The following PCDH11X variants were observed in gnomAD, a reference collection of about 807,000 sequenced individuals.
PCDH11X encodes the protein protocadherin-11 X-linked.
In PCDH11X, 18 loss-of-function variants were observed where a neutral mutation model predicts 53.3. The ratio of observed to expected loss-of-function variants is 0.34; its 90% CI spans 0.23 to 0.50. The LOEUF is 0.50. Among genes scored for constraint, PCDH11X ranks in the 20% least tolerant of loss-of-function variants. The pLI is 0.98. For missense variants in PCDH11X, 570 were observed against 1,032.4 expected (o/e 0.55, Z 6.14); for synonymous variants, 279 against 393.3 (o/e 0.71, Z 3.44).
chrX:92,005,509 C>T (rs1189890132), intron 6 of PCDH11X, among the ~76,000 whole-genome samples: 9 of 111,612 alleles, frequency 8.1e-5, no homozygotes, highest in Non-Finnish European at 1.3e-4. Flanking sequence ...CTTTGCTCCC[C>T]CACTTTTAAC....
chrX:92,147,992 T>TCTC (rs2065325285), intron 6 of PCDH11X, among the ~76,000 whole-genome samples: 1 of 84,430 alleles, frequency 1.2e-5, no homozygotes, highest in African/African-American at 6.1e-5. Flanking sequence ...TTCCTTTCTT[T>TCTC]CTTTCTTTCT....
chrX:91,941,306 T>G (rs2061506449), intron 6 of PCDH11X, among the ~76,000 whole-genome samples: 1 of 111,470 alleles, frequency 9.0e-6, no homozygotes. Context: ...TTGATAAAAA[T>G]AGACAAGATT....
chrX:92,424,194 T>C (rs1286739578), intron 9 of PCDH11X, among the ~76,000 whole-genome samples: 2 of 93,518 alleles, frequency 2.1e-5, no homozygotes, highest in African/African-American at 6.8e-5. Flanking sequence ...GTTTTTTTTT[T>C]TTTTTCCCTT....
chrX:91,842,914 TATC>T (rs1321411921), intron 5 of PCDH11X, among the ~76,000 whole-genome samples: 2 of 98,722 alleles, frequency 2.0e-5, no homozygotes, highest in Non-Finnish European at 4.1e-5. Flanking sequence ...TGTAGAGTAT[TATC>T]ATGAATATTT....
chrX:92,102,616 G>T (rs2064284483), intron 6 of PCDH11X, among the ~76,000 whole-genome samples: 1 of 111,921 alleles, frequency 8.9e-6, no homozygotes, highest in Non-Finnish European at 1.9e-5. Flanking sequence ...AAGCCTTGTG[G>T]CAGTACAGCC....
intron 9 of PCDH11X, among the ~76,000 whole-genome samples, chrX:92,451,715 G>A (rs1188924493): frequency 8.9e-6 from 1 of 111,910 alleles, no homozygotes; most frequent in Admixed American, 9.5e-5. Flanking sequence ...TTGACTTAGC[G>A]AGGAGCCACA....
chrX:92,414,591 T>C (rs1442558092), intron 9 of PCDH11X, among the ~76,000 whole-genome samples: 3 of 106,019 alleles, frequency 2.8e-5, no homozygotes, highest in Non-Finnish European at 5.8e-5. Flanking sequence ...CCAATATCTG[T>C]CTTTAACTCT....
chrX:91,960,675 C>T (rs763873088), intron 6 of PCDH11X, among the ~76,000 whole-genome samples: 112 of 111,458 alleles, frequency 1.0e-3, no homozygotes, highest in African/African-American at 3.2e-3. Context: ...CCACCTGCCT[C>T]GGCCTCCCAA....
At chrX:92,041,331 C>A (rs2063205846) in intron 6 of PCDH11X, among the ~76,000 whole-genome samples, 1 of 110,441 alleles carries the variant, frequency 9.1e-6, no homozygotes, top group African/African-American at 3.3e-5. Context: ...TTTTCTTATA[C>A]AATCACCAAA....
chrX:91,795,196 T>G (rs1310192673), intron 1 of PCDH11X, among the ~76,000 whole-genome samples: 2 of 112,113 alleles, frequency 1.8e-5, no homozygotes, highest in Non-Finnish European at 3.8e-5. Context: ...TGGAAGTAAC[T>G]TAAAACACAA....
intron 6 of PCDH11X, among the ~76,000 whole-genome samples, chrX:92,155,818 C>A (rs780034370): frequency 3.7e-5 from 4 of 107,740 alleles, no homozygotes; most frequent in Non-Finnish European, 7.7e-5. Flanking sequence ...TTAGTAGAGA[C>A]GGGGTTTCAC....
chrX:92,095,663 T>G (rs1197505519), intron 6 of PCDH11X, among the ~76,000 whole-genome samples: 8 of 112,178 alleles, frequency 7.1e-5, no homozygotes, highest in African/African-American at 9.7e-5. Flanking sequence ...ACATATGCTA[T>G]AAGCATGAAA....
intron 10 of PCDH11X, among the ~76,000 whole-genome samples, chrX:92,533,622 T>A (rs1318228408): frequency 1.1e-4 from 12 of 106,641 alleles, no homozygotes; most frequent in Non-Finnish European, 1.9e-4. Flanking sequence ...ATATATAAGA[T>A]AAGCAAATTT....
chrX:91,844,912 G>A (rs960954015), intron 5 of PCDH11X, among the ~76,000 whole-genome samples: 3 of 109,891 alleles, frequency 2.7e-5, no homozygotes, highest in Non-Finnish European at 3.8e-5. Flanking sequence ...AAAGTAAATG[G>A]TTAACAGAAG....
chrX:91,825,256 G>A (rs769353597), intron 4 of PCDH11X, among the ~76,000 whole-genome samples: 21 of 109,363 alleles, frequency 1.9e-4, no homozygotes, highest in Non-Finnish European at 1.3e-4. Flanking sequence ...GGGCAATGGC[G>A]GGTGCCCCTC....
At chrX:92,300,796 A>G (rs2068706491) in intron 8 of PCDH11X, among the ~76,000 whole-genome samples, 1 of 111,525 alleles carries the variant, frequency 9.0e-6, no homozygotes, top group Non-Finnish European at 1.9e-5. Context: ...CATTATTATG[A>G]TTATTTGCTT....
intron 6 of PCDH11X, among the ~76,000 whole-genome samples, chrX:92,014,192 AAAAC>A (rs200410881): frequency 0.25 from 27,549 of 108,603 alleles, 2,803 homozygotes; most frequent in Middle Eastern, 0.32. Flanking sequence ...TACAAGAAAA[AAAAC>A]AAACAACCCC....
intron 9 of PCDH11X, among the ~76,000 whole-genome samples, chrX:92,412,509 G>GTATATA (rs748836273): frequency 5.7e-4 from 37 of 64,396 alleles, no homozygotes; most frequent in South Asian, 8.2e-4. Flanking sequence ...AAAGAAAATA[G>GTATATA]TATATATATA....
chrX:91,983,258 G>A, intron 6 of PCDH11X: 1 of 854,424 alleles, frequency 1.2e-6, no homozygotes. Flanking sequence ...AGTCATCTCG[G>A]TGCCTAGTGT....
Sources: gnomAD v4.1 joint callset for allele counts (sites outside exome capture counted in the v4.1 genomes callset) on GRCh38, gnomAD v4.1.1 for gene constraint, MANE v1.5 for transcripts, NCBI Gene and HGNC (gene_info 2026-07-23, HGNC 2026-07-21) for gene names.